HMCN1: variants seen among roughly 807,000 people sequenced by gnomAD.
HMCN1 encodes hemicentin 1, also known as hemicentin-1.
HMCN1 carries 321 observed loss-of-function variants against 625.9 expected under a neutral mutation model. The observed-to-expected ratio is 0.51, with a 90% CI of 0.47 to 0.56. HMCN1 has a LOEUF of 0.56. HMCN1 is among the 20% of genes least tolerant of loss of function. HMCN1 has a pLI of 0.00. For synonymous variants in HMCN1, 2,425 were observed against 2,417.6 expected, an observed-to-expected ratio of 1.00 and a Z score of -0.09; for missense variants, 6,588 against 6,887.3, an observed-to-expected ratio of 0.96 and a Z score of 1.54.
At chr1:186,026,958 C>T (rs1294633089) in intron 36 of HMCN1, among the ~76,000 whole-genome samples, 1 of 152,038 alleles carries the variant, frequency 6.6e-6, no homozygotes, top group Non-Finnish European at 1.5e-5. Flanking sequence ...TAATCTCAAT[C>T]TTTATTGATG....
chr1:186,087,371 A>G, intron 59 of HMCN1, 41 bp downstream of exon 59: 1 of 1,598,710 alleles, frequency 6.3e-7, no homozygotes, highest in South Asian at 1.1e-5. Context: ...TTATTTTAAA[A>G]CTGGTATTCA....
intron 2 of HMCN1, among the ~76,000 whole-genome samples, chr1:185,856,926 A>G (rs953747445): frequency 7.2e-5 from 11 of 152,272 alleles, no homozygotes; most frequent in African/African-American, 2.6e-4. Flanking sequence ...AGATTTTCCC[A>G]TTAGGATTCA....
chr1:185,970,717 AG>A (rs1442779508), intron 15 of HMCN1, among the ~76,000 whole-genome samples: 1 of 151,232 alleles, frequency 6.6e-6, no homozygotes, highest in Admixed American at 6.6e-5. Flanking sequence ...GGAGTGCAGT[AG>A]TGCTATCTCG....
At chr1:185,870,434 C>T (rs1158083935) in intron 4 of HMCN1, among the ~76,000 whole-genome samples, 3 of 152,142 alleles carry the variant, frequency 2.0e-5, no homozygotes, top group Admixed American at 1.3e-4. Flanking sequence ...CTTCCCTATC[C>T]TTTTTCCCAC....
intron 2 of HMCN1, among the ~76,000 whole-genome samples, chr1:185,855,875 GA>G (rs1339057667): frequency 6.6e-6 from 1 of 152,198 alleles, no homozygotes. Flanking sequence ...GGTCATCAGT[GA>G]ATGTGTAGCA....
Position 186,067,893 on chromosome 1 carries a change from C to T in HMCN1, c.7765C>T (p.Leu2589Phe), listed in dbSNP as rs1477499599. ...CAACCCTGAAGATGTCACTGTCATCCTTAACAGCCCTACATCTTTGGTCTG... is the reference window on the plus strand; with the variant it reads ...CAACCCTGAAGATGTCACTGTCATCTTTAACAGCCCTACATCTTTGGTCTG... ...DGNPEDVTVI[L>F]NSPTSLVCEA... is the part of the protein sequence containing the mutation. Residue 2589 changes from leucine to phenylalanine, a missense_variant, in exon 50 of 107, where the codon CTT (leucine) becomes TTT (phenylalanine). Physicochemically the swap from Leu to Phe is conservative, Grantham distance 22. Around this residue, in one of 3 missense-constraint regions of HMCN1, gnomAD observed 4,628 missense variants for 4,853.1 expected, o/e 0.95. Transcript: ENST00000271588. The T allele has an allele frequency of 6.2e-7, 1 of 1,612,584 alleles. No individual in the cohort carries two copies. Among genetic ancestry groups the T allele is most frequent in the Non-Finnish European group, 8.5e-7 (1 of 1,178,618 alleles).
chr1:186,157,497 T>G (rs1651099800), intron 97 of HMCN1, among the ~76,000 whole-genome samples: 3 of 152,194 alleles, frequency 2.0e-5, no homozygotes, highest in Non-Finnish European at 4.4e-5. Flanking sequence ...AACTTTTTTT[T>G]TATTATACTT....
At chr1:185,757,105 G>A (rs1390337646) in intron 1 of HMCN1, among the ~76,000 whole-genome samples, 1 of 152,152 alleles carries the variant, frequency 6.6e-6, no homozygotes, top group Non-Finnish European at 1.5e-5. Context: ...CTCCCAAGTA[G>A]CTGGGATTAC....
intron 21 of HMCN1, 42 bp from the exon 22 acceptor site, chr1:185,990,233 T>C: frequency 7.0e-6 from 11 of 1,568,006 alleles, no homozygotes; most frequent in Non-Finnish European, 8.8e-6. Flanking sequence ...GTGCTTTGTT[T>C]TCAATATACT....
At chr1:186,101,141 G>T (rs1234298847) in intron 68 of HMCN1, among the ~76,000 whole-genome samples, 2 of 151,884 alleles carry the variant, frequency 1.3e-5, no homozygotes, top group Non-Finnish European at 2.9e-5. Context: ...CAGTAATTTT[G>T]GGTAGGCACC....
chr1:185,909,643 T>G (rs1571543785), intron 5 of HMCN1, 135 bp downstream of exon 5: 1 of 801,226 alleles, frequency 1.2e-6, no homozygotes, highest in Non-Finnish European at 2.0e-6. Flanking sequence ...CTAAGGAAGG[T>G]GTTTAAAAAA....
At chr1:185,836,886 G>T (rs59054107) in intron 1 of HMCN1, among the ~76,000 whole-genome samples, 45 of 151,922 alleles carry the variant, frequency 3.0e-4, no homozygotes, top group Non-Finnish European at 5.4e-4. Context: ...TCAGTACTTG[G>T]TTTCTGTTCC....
chr1:185,788,506 T>C (rs1571352930), intron 1 of HMCN1, among the ~76,000 whole-genome samples: 1 of 152,222 alleles, frequency 6.6e-6, no homozygotes, highest in African/African-American at 2.4e-5. Context: ...TTTTAACCTA[T>C]GCATGAGGTT....
At position 186,095,379 on chromosome 1, in the gene HMCN1, G is replaced by C; in HGVS notation, c.10431G>C (p.Gly3477=). The C allele has an allele frequency of 5.0e-6, 8 of 1,613,748 alleles. No individual in the cohort carries two copies. The highest frequency in any genetic ancestry group is 6.8e-6 in the Non-Finnish European group (8 of 1,179,866). Residue 3477 remains glycine (G), a synonymous_variant, in exon 68 of 107, where the codon GGG becomes GGC. Transcript: ENST00000271588. ...MAWLRDGQPL[G]LDAHLTVSTH... is the part of the protein sequence containing the mutation. ...GGCTTAGAGATGGCCAGCCTCTGGGGCTTGATGCCCATCTGACAGTCAGCA... is the reference window on the plus strand; with the variant it reads ...GGCTTAGAGATGGCCAGCCTCTGGGCCTTGATGCCCATCTGACAGTCAGCA...
intron 4 of HMCN1, among the ~76,000 whole-genome samples, chr1:185,882,269 A>G (rs1306882788): frequency 6.6e-6 from 1 of 151,890 alleles, no homozygotes; most frequent in African/African-American, 2.4e-5. Context: ...TGCTAATGAA[A>G]CTCTCATGGA....
chr1:186,074,853 C>A lies in HMCN1; in HGVS notation c.8252C>A (p.Ala2751Glu). 2 of 1,612,770 alleles carry A rather than the reference C, an allele frequency of 1.2e-6. No individual in the cohort carries two copies. The highest frequency in any genetic ancestry group is 1.7e-6 in the Non-Finnish European group (2 of 1,179,112). ...TATACTTGTGTAGCATCTAACATTGCAGGTGAAGATGAGTTGGATTTTGAT... is the reference window on the plus strand; with the variant it reads ...TATACTTGTGTAGCATCTAACATTGAAGGTGAAGATGAGTTGGATTTTGAT... ...GRYTCVASNI[A>E]GEDELDFDVN... The change falls in exon 53 of 107, where the codon GCA becomes GAA. Residue 2751 changes from alanine to glutamate, a missense_variant. Ala to Glu is a moderately radical substitution (Grantham distance 107). Transcript: ENST00000271588.
chr1:186,166,140 A>G, intron 98 of HMCN1, 44 bp from the exon 99 acceptor site: 1 of 1,611,376 alleles, frequency 6.2e-7, no homozygotes, highest in Non-Finnish European at 8.5e-7. Context: ...CCAGAAAGTA[A>G]GGATTTTACA....
rs573094693 is a variant in HMCN1, at chr1:185,906,951, ATTTT to A, written c.622-2370_622-2367del. Among the ~76,000 whole-genome samples, 381 of 108,656 alleles carry A rather than the reference ATTTT, an allele frequency of 3.5e-3. 5 individuals are homozygous for A. Among genetic ancestry groups the A allele is most frequent in the African/African-American group, 0.011 (367 of 33,634 alleles). 71.3% of individuals were successfully genotyped at this position (108,656 alleles called of 152,430 possible). On this transcript the variant is annotated intron_variant, in intron 4 of 106. Transcript: ENST00000271588. ...CTGAGGCCCAACAACAATCCTTTCT[ATTTT>A]TTTTTTTTTTTTTTTAGTTAGGCAG...
At chr1:186,071,297 A>G (rs1440078773) in intron 52 of HMCN1, among the ~76,000 whole-genome samples, 1 of 152,162 alleles carries the variant, frequency 6.6e-6, no homozygotes, top group Non-Finnish European at 1.5e-5. Flanking sequence ...TCCAAGATGA[A>G]GACAAAAAGC....
Sources: gnomAD v4.1 joint callset for allele counts (sites outside exome capture counted in the v4.1 genomes callset) on GRCh38, gnomAD v4.1.1 for gene constraint, gnomAD v4.1.1 regional missense constraint, MANE v1.5 for transcripts, NCBI Gene and HGNC (gene_info 2026-07-23, HGNC 2026-07-21) for gene names.